Variants in SLC26A11 observed in about 807,000 individuals in gnomAD.
The protein encoded by SLC26A11 is solute carrier family 26 member 11.
A neutral mutation model predicts 62.2 loss-of-function variants in SLC26A11; 58 were observed. The ratio of observed to expected loss-of-function variants is 0.93; its 90% CI spans 0.76 to 1.16. The LOEUF (loss-of-function observed/expected upper bound fraction) is 1.16. SLC26A11 is among the 50% of genes most tolerant of loss of function. SLC26A11 has a pLI of 0.00. For missense variants in SLC26A11, 790 were observed against 794.3 expected (o/e 0.99, Z 0.06); for synonymous variants, 411 against 368.9 (o/e 1.11, Z -1.31).
In SLC26A11 at chr17:80,246,056, G is replaced by T. The variant is rs1000231519; in HGVS notation, c.1098-98G>T. 1 of 1,429,472 alleles carries T rather than the reference G, an allele frequency of 7.0e-7. No homozygotes were observed. The highest frequency in any genetic ancestry group is 1.7e-5 in the Admixed American group (1 of 59,434). 88.5% of individuals were successfully genotyped at this position (1,429,472 alleles called of 1,614,324 possible). A position where few individuals can be genotyped will look rare whatever the true frequency, so the allele number is the denominator to read the frequency against. ...CCGCCTGCTTCCCAAGCCGTGCTGG[G>T]AGCTGACGTCCCCTCGGAAGATCAG... On this transcript the variant is annotated intron_variant, in intron 11 of 17. Coordinates refer to ENST00000361193, the MANE Select transcript of SLC26A11 (RefSeq NM_001166347.2). This position sits in a 1 kb window ranked among gnomAD's most constrained non-coding sequence, Gnocchi z 4.4.
chr17:80,246,029 C>T lies in SLC26A11; in HGVS notation c.1098-125C>T, dbSNP rs2042984015. ...CTCTTTGCCTCGGTCCCCTTGCAGT[C>T]CCCGCCTGCTTCCCAAGCCGTGCTG... On this transcript the variant is annotated intron_variant, in intron 11 of 17. Coordinates refer to ENST00000361193, the MANE Select transcript of SLC26A11 (RefSeq NM_001166347.2). This position sits in a 1 kb window ranked among gnomAD's most constrained non-coding sequence, Gnocchi z 4.4. The T allele has an allele frequency of 8.5e-7, 1 of 1,175,432 alleles. No homozygotes were observed. The highest frequency in any genetic ancestry group is 1.3e-6 in the Non-Finnish European group (1 of 787,784). 72.8% of individuals were successfully genotyped at this position (1,175,432 alleles called of 1,614,324 possible).
chr17:80,249,146 C>G lies in SLC26A11; in HGVS notation c.1523-8C>G. ...GTGGCGTGACCTGGCTCGGGCCTGT[C>G]TCCCCAGTGTCCCCGCCACGCTGCC... On this transcript the variant is annotated splice_region_variant and splice_polypyrimidine_tract_variant and intron_variant, in intron 15 of 17. Coordinates refer to ENST00000361193, the MANE Select transcript of SLC26A11 (RefSeq NM_001166347.2). 6.2e-7 allele frequency: 1 copy of G among 1,603,488 alleles called. No individual in the cohort carries two copies. Among genetic ancestry groups the G allele is most frequent in the Non-Finnish European group, 8.5e-7 (1 of 1,178,996 alleles).
Position 80,229,672 on chromosome 17 carries a change from C to T in SLC26A11, c.736+1712C>T, listed in dbSNP as rs1223924462. On this transcript the variant is annotated intron_variant, in intron 7 of 17. Coordinates refer to ENST00000361193, the MANE Select transcript of SLC26A11 (RefSeq NM_001166347.2). Reference sequence around the variant, plus strand: ...CTCGAACTCCTGACCTCAAGTGATCCGCCCGCCTCAGCCTCCCAAAGTGCT... The same window carrying T: ...CTCGAACTCCTGACCTCAAGTGATCTGCCCGCCTCAGCCTCCCAAAGTGCT... Among the ~76,000 whole-genome samples, 5 of 151,926 alleles carry T rather than the reference C, an allele frequency of 3.3e-5. No homozygotes were observed. In the East Asian group the frequency reaches 5.9e-4, roughly 18 times the overall value.
chr17:80,222,936 TGC>T lies in SLC26A11; in HGVS notation c.427+91_427+92del. The T allele has an allele frequency of 7.8e-7, 1 of 1,285,948 alleles. No homozygotes were observed. Among genetic ancestry groups the T allele is most frequent in the Non-Finnish European group, 1.0e-6 (1 of 957,212 alleles). The allele number at this position is 1,285,948 out of a possible 1,614,324, so 79.7% of individuals were successfully genotyped here. A position where few individuals can be genotyped will look rare whatever the true frequency, so the allele number is the denominator to read the frequency against. On this transcript the variant is annotated intron_variant, in intron 4 of 17. Coordinates refer to ENST00000361193, the MANE Select transcript of SLC26A11 (RefSeq NM_001166347.2). The surrounding 1 kb of genome is among the most constrained non-coding windows in gnomAD (Gnocchi z 4.7). Reference sequence around the variant, plus strand: ...AAGTCTATCCCCGTGTGCGTGTGTGTGCGTGTTGGGGTGTGGGTATGTATGTG... The same window carrying T: ...AAGTCTATCCCCGTGTGCGTGTGTGTGTGTTGGGGTGTGGGTATGTATGTG...
At chr17:80,235,490 G>T (rs891641945) in intron 7 of SLC26A11, among the ~76,000 whole-genome samples, 2 of 152,148 alleles carry the variant, frequency 1.3e-5, no homozygotes, top group Non-Finnish European at 2.9e-5. Flanking sequence ...CCAAGTAGCT[G>T]GGACTATAGG....
intron 9 of SLC26A11, among the ~76,000 whole-genome samples, chr17:80,241,161 T>C (rs927221655): frequency 2.0e-5 from 3 of 152,234 alleles, no homozygotes; most frequent in Non-Finnish European, 4.4e-5. Context: ...TTTATTAATA[T>C]ACATTCATTG....
intron 8 of SLC26A11, 24 bp from the exon 9 acceptor site, chr17:80,237,498 C>T (rs1176019240): frequency 1.9e-6 from 3 of 1,597,194 alleles, no homozygotes; most frequent in Non-Finnish European, 2.6e-6. Flanking sequence ...GAAGGTCACT[C>T]ACCATCCCTC....
rs968781430 is a variant in SLC26A11 at position 80,228,864 on chromosome 17, T to C, written c.736+904T>C. The stretch of plus-strand genomic sequence containing the variant: ...AGGCTGAGCCACAACCAACCAGGGG[T>C]CCTTTGAGAAAGGGGTGGTGAGGGC... On this transcript the variant is annotated intron_variant, in intron 7 of 17. Transcript: ENST00000361193. The surrounding 1 kb of genome is among the most constrained non-coding windows in gnomAD (Gnocchi z 4.1). 2.0e-5 allele frequency among the ~76,000 whole-genome samples: 3 copies of C among 152,032 alleles called. No homozygotes were observed. Among genetic ancestry groups the C allele is most frequent in the African/African-American group, 7.2e-5 (3 of 41,400 alleles).
chr17:80,235,733 G>A (rs976351298), intron 7 of SLC26A11, among the ~76,000 whole-genome samples: 4 of 152,198 alleles, frequency 2.6e-5, no homozygotes, highest in African/African-American at 7.2e-5. Flanking sequence ...AGGTTATTGC[G>A]TGCTGGATAT....
chr17:80,221,812 G>A lies in SLC26A11; in HGVS notation c.234+18G>A. On this transcript the variant is annotated intron_variant, in intron 3 of 17. Coordinates refer to ENST00000361193, the MANE Select transcript of SLC26A11 (RefSeq NM_001166347.2). ...CGCCCCAGGTGAGGCGTCTGACCCTGCTGCCAGCCATATCTCAGAAACAGT... is the reference window on the plus strand; with the variant it reads ...CGCCCCAGGTGAGGCGTCTGACCCTACTGCCAGCCATATCTCAGAAACAGT... The A allele has an allele frequency of 6.3e-7, 1 of 1,599,184 alleles. No homozygotes were observed. Among genetic ancestry groups the A allele is most frequent in the Non-Finnish European group, 8.5e-7 (1 of 1,175,084 alleles).
Position 80,228,765 on chromosome 17 carries a change from G to A in SLC26A11, c.736+805G>A, listed in dbSNP as rs2042484439. Among the ~76,000 whole-genome samples the A allele has an allele frequency of 1.3e-5, 2 of 152,208 alleles. No individual in the cohort carries two copies. Among genetic ancestry groups the A allele is most frequent in the South Asian group, 2.1e-4 (1 of 4,834 alleles). On this transcript the variant is annotated intron_variant, in intron 7 of 17. Transcript: ENST00000361193. This position sits in a 1 kb window ranked among gnomAD's most constrained non-coding sequence, Gnocchi z 4.1. ...TCCTGGGGAGACAGAACAAATTCCG[G>A]GGAGACCAACAGGCTCTGTTTGAAT...
chr17:80,244,743 G>A (rs2042950906), intron 10 of SLC26A11, among the ~76,000 whole-genome samples: 3 of 152,040 alleles, frequency 2.0e-5, no homozygotes, highest in Non-Finnish European at 4.4e-5. Context: ...TTGGGAGGTC[G>A]AAGCGGGTGG....
At chr17:80,237,348 T>C (rs957973248) in intron 8 of SLC26A11, 174 bp from the exon 9 acceptor site, 2 of 747,794 alleles carry the variant, frequency 2.7e-6, no homozygotes, top group Non-Finnish European at 2.1e-6. Flanking sequence ...AGGATGAATT[T>C]ACCGTGTTCC....
intron 7 of SLC26A11, among the ~76,000 whole-genome samples, chr17:80,231,342 T>C (rs1414326629): frequency 1.3e-5 from 2 of 151,570 alleles, no homozygotes; most frequent in Non-Finnish European, 3.0e-5. Flanking sequence ...TTTTGTATTT[T>C]TAGTGGAGAC....
intron 14 of SLC26A11, 127 bp downstream of exon 14, chr17:80,248,384 G>A: frequency 5.0e-6 from 7 of 1,386,178 alleles, no homozygotes; most frequent in Non-Finnish European, 6.8e-6. Flanking sequence ...TCGCTGGCAG[G>A]TGGGCAGTCA....
intron 2 of SLC26A11, 114 bp downstream of exon 2, chr17:80,221,229 T>C (rs2042171134): frequency 1.3e-5 from 4 of 301,114 alleles, no homozygotes; most frequent in African/African-American, 2.2e-5. Flanking sequence ...TTGAGCCTAA[T>C]TAGTCTTCAG....
At chr17:80,233,375 C>G (rs1425802652) in intron 7 of SLC26A11, among the ~76,000 whole-genome samples, 2 of 152,120 alleles carry the variant, frequency 1.3e-5, no homozygotes, top group Admixed American at 6.5e-5. Flanking sequence ...AGTGATGCTC[C>G]TGCCTCAGCC....
rs750560049 is a variant in SLC26A11, at chr17:80,246,108, CT to C, written c.1098-42del. 34 of 1,610,428 alleles carry C rather than the reference CT, an allele frequency of 2.1e-5. No individual in the cohort carries two copies. The South Asian group carries it at 3.5e-4, about 17-fold the overall frequency. On this transcript the variant is annotated intron_variant, in intron 11 of 17. Coordinates refer to ENST00000361193, the MANE Select transcript of SLC26A11 (RefSeq NM_001166347.2). This position sits in a 1 kb window ranked among gnomAD's most constrained non-coding sequence, Gnocchi z 4.4. ...CACAGGAGTGTGGACTGAGGTCTCCCTTTTCCCGGCCCCTGGTGACTGACGG... is the reference window on the plus strand; with the variant it reads ...CACAGGAGTGTGGACTGAGGTCTCCCTTTCCCGGCCCCTGGTGACTGACGG...
At chr17:80,251,549 G>T (rs2043156598) in intron 17 of SLC26A11, 148 bp downstream of exon 17, 1 of 1,013,056 alleles carries the variant, frequency 9.9e-7, no homozygotes, top group East Asian at 2.9e-5. Context: ...GATCACCTGA[G>T]GTCAGGAGTT....
Sources: allele counts gnomAD v4.1 joint callset (sites outside exome capture counted in the v4.1 genomes callset), GRCh38; gene constraint gnomAD v4.1.1; non-coding constraint Gnocchi (gnomAD v3.1); transcripts MANE v1.5; gene names NCBI Gene and HGNC (gene_info 2026-07-23, HGNC 2026-07-21).